Variants in ELL observed in about 807,000 individuals in gnomAD.
ELL encodes the protein RNA polymerase II elongation factor ELL.
A neutral mutation model predicts 64.0 loss-of-function variants in ELL; 18 were observed. That is an observed-to-expected ratio of 0.28 (90% CI 0.19 to 0.42). The LOEUF (loss-of-function observed/expected upper bound fraction) is 0.42, where lower values mean the gene tolerates loss of function less well. ELL is among the 10% of genes least tolerant of loss of function. The pLI, the probability that ELL is intolerant of heterozygous loss-of-function variation, is 1.00. For missense variants in ELL, 797 were observed against 870.4 expected (o/e 0.92, Z 1.06); for synonymous variants, 399 against 376.2 (o/e 1.06, Z -0.70).
chr19:18,505,455 G>C (rs1169278907), intron 1 of ELL, among the ~76,000 whole-genome samples: 1 of 152,370 alleles, frequency 6.6e-6, no homozygotes, highest in East Asian at 1.9e-4. Context: ...GGTGTGCAGA[G>C]CACTGGGCAG....
intron 1 of ELL, among the ~76,000 whole-genome samples, chr19:18,500,114 T>G (rs1975749907): frequency 1.3e-5 from 2 of 151,974 alleles, no homozygotes; most frequent in South Asian, 4.2e-4. Context: ...ATACAAAAAT[T>G]ATCTGGGCAT....
intron 1 of ELL, among the ~76,000 whole-genome samples, chr19:18,509,598 T>TGCGCGCGCGCGCGC (rs1975968339): frequency 4.9e-5 from 4 of 81,854 alleles, no homozygotes; most frequent in East Asian, 3.5e-4. Context: ...CGCGCGCACA[T>TGCGCGCGCGCGCGC]ACACACACAC....
rs1428764936 is a variant in ELL at position 18,468,224 on chromosome 19, C to CCA, written c.184-2308_184-2307dup. On this transcript the variant is annotated intron_variant, in intron 2 of 11. Transcript: ENST00000262809. ...CACAACCCCCACACACACAAACAAT[C>CCA]CATACACACACACACACACAAACAC... Among the ~76,000 whole-genome samples the CCA allele has an allele frequency of 8.7e-4, 99 of 113,614 alleles. 1 individual carries two copies. The highest frequency in any genetic ancestry group is 4.7e-3 in the African/African-American group (90 of 19,344). The allele number at this position is 113,614 out of a possible 152,430, so 74.5% of individuals were successfully genotyped here. A position where few individuals can be genotyped will look rare whatever the true frequency, so the allele number is the denominator to read the frequency against.
At chr19:18,521,623 G>A (rs986603727) in intron 1 of ELL, among the ~76,000 whole-genome samples, 1 of 152,076 alleles carries the variant, frequency 6.6e-6, no homozygotes, top group Non-Finnish European at 1.5e-5. Context: ...CAGCAGGCCA[G>A]AAAGGCCCCG....
chr19:18,509,552 A>C (rs892462697), intron 1 of ELL, among the ~76,000 whole-genome samples: 1 of 150,020 alleles, frequency 6.7e-6, no homozygotes, highest in African/African-American at 2.4e-5. Context: ...CTCCAGGGTG[A>C]ACACAGATGG....
At chr19:18,467,788 A>C (rs1209045757) in intron 2 of ELL, among the ~76,000 whole-genome samples, 1 of 62,070 alleles carries the variant, frequency 1.6e-5, no homozygotes, top group Non-Finnish European at 2.8e-5. Flanking sequence ...ACAACCCCCC[A>C]CAACCACACA....
In ELL at chr19:18,449,710, C is replaced by T. The variant is rs1444502759; in HGVS notation, c.1465+767G>A. 6.6e-6 allele frequency among the ~76,000 whole-genome samples: 1 copy of T among 152,242 alleles called. No individual in the cohort carries two copies. The highest frequency in any genetic ancestry group is 1.5e-5 in the Non-Finnish European group (1 of 68,040). On this transcript the variant is annotated intron_variant, in intron 8 of 11. Transcript: ENST00000262809. This position sits in a 1 kb window ranked among gnomAD's most constrained non-coding sequence, Gnocchi z 4.4. ...GCGCCGAGAGCGAAGTGGCCATCTG[C>T]AACTGGCCGCCATCGCCACATGGGA...
chr19:18,472,969 A>T, intron 1 of ELL, 87 bp from the exon 2 acceptor site: 1 of 1,433,168 alleles, frequency 7.0e-7, no homozygotes, highest in Non-Finnish European at 9.3e-7. Context: ...CCAGGTATAG[A>T]AGGAGCAGGG....
chr19:18,466,354 C>T (rs1047806623), intron 2 of ELL, among the ~76,000 whole-genome samples: 4 of 152,206 alleles, frequency 2.6e-5, no homozygotes, highest in East Asian at 1.9e-4. Flanking sequence ...TGGGCAGCCA[C>T]GCGCAACTCT....
chr19:18,510,186 G>A (rs900024570), intron 1 of ELL, among the ~76,000 whole-genome samples: 11 of 152,334 alleles, frequency 7.2e-5, no homozygotes, highest in African/African-American at 2.6e-4. Context: ...TGGCCAGCAT[G>A]GTGAAACCCC....
intron 1 of ELL, among the ~76,000 whole-genome samples, chr19:18,487,009 G>C (rs1975432466): frequency 6.6e-6 from 1 of 152,174 alleles, no homozygotes; most frequent in Non-Finnish European, 1.5e-5. Context: ...TCAGCTACAT[G>C]CCATGCTGAC....
Position 18,444,728 on chromosome 19 carries a change from G to A in ELL, c.*24C>T. ...GCCTTTTGCTCCCCCGACCCTCCCA[G>A]ATCCCCGCCATCGGGGAGGGCGGCT... On this transcript the variant is annotated 3_prime_UTR_variant, in exon 12 of 12. Coordinates refer to ENST00000262809, the MANE Select transcript of ELL (RefSeq NM_006532.4). 1.9e-6 allele frequency: 3 copies of A among 1,580,606 alleles called. No individual in the cohort carries two copies. The Admixed American group carries it at 5.2e-5, about 27-fold the overall frequency.
intron 1 of ELL, among the ~76,000 whole-genome samples, chr19:18,482,790 G>GTTGTTGTTT (rs1231808529): frequency 6.9e-6 from 1 of 144,594 alleles, no homozygotes; most frequent in Non-Finnish European, 1.5e-5. Context: ...TGTTGTTGTT[G>GTTGTTGTTT]TTGTTGCTGC....
chr19:18,465,337 T>C, intron 4 of ELL, 75 bp downstream of exon 4: 9 of 1,515,316 alleles, frequency 5.9e-6, no homozygotes, highest in Non-Finnish European at 7.1e-6. Flanking sequence ...GTGCCCAGCC[T>C]GGACAGGCCC....
At chr19:18,453,571 T>TA (rs767050631) in intron 6 of ELL, among the ~76,000 whole-genome samples, 47 of 152,014 alleles carry the variant, frequency 3.1e-4, no homozygotes, top group Admixed American at 5.2e-4. Flanking sequence ...ATGACTGGAA[T>TA]AAAAAAAACA....
In ELL at chr19:18,465,929, G is replaced by T; in HGVS notation, c.184-11C>A. On this transcript the variant is annotated splice_polypyrimidine_tract_variant and intron_variant, in intron 2 of 11. Coordinates refer to ENST00000262809, the MANE Select transcript of ELL (RefSeq NM_006532.4). ...GGGGATGGAGATGTGCTGCGTGGAG[G>T]GGGAGGGGGTGTCACTGGGAGGTCC... 7.7e-7 allele frequency: 1 copy of T among 1,298,498 alleles called. No individual in the cohort carries two copies. The highest frequency in any genetic ancestry group is 9.8e-7 in the Non-Finnish European group (1 of 1,016,566). 80.4% of individuals were successfully genotyped at this position (1,298,498 alleles called of 1,614,324 possible). A position where few individuals can be genotyped will look rare whatever the true frequency, so the allele number is the denominator to read the frequency against.
At position 18,465,957 on chromosome 19, in the gene ELL, G is replaced by A. The variant is rs190933624; in HGVS notation, c.184-39C>T. 928 of 1,271,036 alleles carry A rather than the reference G, an allele frequency of 7.3e-4. 3 individuals are homozygous for A. The African/African-American group carries it at 9.5e-3, about 13-fold the overall frequency. 78.7% of individuals were successfully genotyped at this position (1,271,036 alleles called of 1,614,324 possible). The stretch of plus-strand genomic sequence containing the variant: ...GAGGGGGTGTCACTGGGAGGTCCTC[G>A]GCAGGACAGGTCCCCAGCCTGCATC... On this transcript the variant is annotated intron_variant, in intron 2 of 11. Transcript: ENST00000262809.
chr19:18,451,205 C>T (rs1974526316), intron 7 of ELL, among the ~76,000 whole-genome samples: 1 of 152,176 alleles, frequency 6.6e-6, no homozygotes, highest in African/African-American at 2.4e-5. Context: ...AGTGTGTGAG[C>T]GGGCCACCCC....
Position 18,443,855 on chromosome 19 carries a change from C to T in ELL, c.*897G>A, listed in dbSNP as rs116797928. The T allele has an allele frequency of 6.2e-3, 1,451 of 232,970 alleles. 19 individuals are homozygous for T. The highest frequency in any genetic ancestry group is 0.03 in the African/African-American group (1,366 of 45,408). The allele number at this position is 232,970 out of a possible 1,614,324, so 14.4% of individuals were successfully genotyped here. A position where few individuals can be genotyped will look rare whatever the true frequency, so the allele number is the denominator to read the frequency against. ...CAGGACCCACAAGTGGACAGAGGGACGGAGGGAGGCCAGCAGCATCGAGAC... is the reference window on the plus strand; with the variant it reads ...CAGGACCCACAAGTGGACAGAGGGATGGAGGGAGGCCAGCAGCATCGAGAC... On this transcript the variant is annotated 3_prime_UTR_variant, in exon 12 of 12. Transcript: ENST00000262809.
Sources: allele counts gnomAD v4.1 joint callset (sites outside exome capture counted in the v4.1 genomes callset), GRCh38; gene constraint gnomAD v4.1.1; non-coding constraint Gnocchi (gnomAD v3.1); transcripts MANE v1.5; gene names NCBI Gene and HGNC (gene_info 2026-07-23, HGNC 2026-07-21).